RBM33: variants seen among roughly 807,000 people sequenced by gnomAD.
RBM33 encodes the protein RNA binding motif protein 33.
Under a neutral mutation model 132.6 loss-of-function variants are expected in RBM33, and 28 were observed. That is an observed-to-expected ratio of 0.21 (90% confidence interval 0.16 to 0.29). RBM33 has a LOEUF of 0.29. Ranked by LOEUF, RBM33 falls within the 10% of genes least tolerant of loss-of-function variation. RBM33 has a pLI of 1.00. For missense variants in RBM33, 1,291 were observed against 1,518.5 expected (o/e 0.85, Z 2.49); for synonymous variants, 634 against 593.0 (o/e 1.07, Z -1.01).
At chr7:155,736,741 G>T (rs1039761120) in intron 9 of RBM33, among the ~76,000 whole-genome samples, 2 of 152,160 alleles carry the variant, frequency 1.3e-5, no homozygotes, top group African/African-American at 4.8e-5. Context: ...CTTCATAGCT[G>T]CAGCTTACAG....
In RBM33 at chr7:155,661,144, A is replaced by ATTTTTTT. The variant is rs1276158233; in HGVS notation, c.44-4030_44-4029insTTTTTTT. 4.9e-5 allele frequency among the ~76,000 whole-genome samples: 2 copies of ATTTTTTT among 40,700 alleles called. 1 individual carries two copies. The highest frequency in any genetic ancestry group is 1.6e-4 in the African/African-American group (2 of 12,550). 26.7% of individuals were successfully genotyped at this position (40,700 alleles called of 152,430 possible). A position where few individuals can be genotyped will look rare whatever the true frequency, so the allele number is the denominator to read the frequency against. On this transcript the variant is annotated intron_variant, in intron 1 of 17. Transcript: ENST00000401878. Reference sequence around the variant, plus strand: ...TGTGTGTGTGTGTATATATATATATATATTTTTTTTTTTTTGAGACAGAGT... The same window carrying ATTTTTTT: ...TGTGTGTGTGTGTATATATATATATATTTTTTTTATTTTTTTTTTTTTGAGACAGAGT...
At chr7:155,717,671 G>A (rs891475231) in intron 8 of RBM33, among the ~76,000 whole-genome samples, 1 of 152,160 alleles carries the variant, frequency 6.6e-6, no homozygotes, top group South Asian at 2.1e-4. Flanking sequence ...TGAAAATCAA[G>A]ATCAGTATAG....
intron 14 of RBM33, among the ~76,000 whole-genome samples, chr7:155,752,782 C>T (rs1801726089): frequency 6.6e-6 from 1 of 152,176 alleles, no homozygotes; most frequent in African/African-American, 2.4e-5. Context: ...ATGCCTCTGG[C>T]CCACTTATTA....
At chr7:155,763,040 T>C (rs1474585330) in intron 14 of RBM33, among the ~76,000 whole-genome samples, 2 of 152,184 alleles carry the variant, frequency 1.3e-5, no homozygotes, top group Non-Finnish European at 2.9e-5. Context: ...ATGAACAACA[T>C]TGGTGGTGCA....
At chr7:155,728,055 G>T (rs1800843372) in intron 9 of RBM33, among the ~76,000 whole-genome samples, 1 of 152,144 alleles carries the variant, frequency 6.6e-6, no homozygotes, top group Non-Finnish European at 1.5e-5. Context: ...GAGGTGTGAG[G>T]CACTGTCCCC....
At chr7:155,686,077 T>C (rs1413689831) in intron 5 of RBM33, among the ~76,000 whole-genome samples, 3 of 152,182 alleles carry the variant, frequency 2.0e-5, no homozygotes, top group African/African-American at 4.8e-5. Context: ...CTTCTCTCTT[T>C]CTTTCTCGCT....
intron 1 of RBM33, among the ~76,000 whole-genome samples, chr7:155,662,069 T>C (rs1203785285): frequency 6.6e-6 from 1 of 152,136 alleles, no homozygotes; most frequent in Non-Finnish European, 1.5e-5. Flanking sequence ...GTTATTTTAA[T>C]GAAGTGTTCA....
chr7:155,732,501 T>G (rs1585501348), intron 9 of RBM33, among the ~76,000 whole-genome samples: 2 of 152,348 alleles, frequency 1.3e-5, no homozygotes, highest in Admixed American at 1.3e-4. Flanking sequence ...GTGTGCTGAC[T>G]ATGGTTGGGG....
chr7:155,673,770 A>ACGCGCG (rs1213283630), intron 3 of RBM33, among the ~76,000 whole-genome samples: 1 of 121,684 alleles, frequency 8.2e-6, no homozygotes. Context: ...GCATGCGCGC[A>ACGCGCG]CACACACACA....
intron 5 of RBM33, among the ~76,000 whole-genome samples, chr7:155,694,334 A>G (rs915444262): frequency 2.0e-5 from 3 of 152,192 alleles, no homozygotes; most frequent in African/African-American, 7.2e-5. Context: ...TAGTTATGCT[A>G]TTGTCTTCTA....
intron 1 of RBM33, 158 bp downstream of exon 1, chr7:155,645,077 T>C: frequency 1.9e-6 from 1 of 531,880 alleles, no homozygotes; most frequent in East Asian, 3.5e-5. Flanking sequence ...CTTCCCTCGC[T>C]ATTGTCATTC....
rs201737296 is a variant in RBM33, at chr7:155,741,998, C to G, written c.2229C>G (p.Pro743=). 1.9e-6 allele frequency: 3 copies of G among 1,614,042 alleles called. No individual in the cohort carries two copies. The East Asian group carries it at 6.7e-5, about 36-fold the overall frequency. The part of the protein sequence containing the change: ...QVKPIVSASP[P]SRAVAGSRSS... ...AACCTATCGTCAGCGCGTCACCACC[C>G]TCGCGGGCCGTGGCGGGTTCCAGAA... is the stretch of plus-strand genomic sequence containing the variant. The change falls in exon 13 of 18, where the codon CCC becomes CCG. Residue 743 remains proline, a synonymous_variant. Transcript: ENST00000401878.
At chr7:155,714,716 C>T (rs1012236177) in intron 8 of RBM33, among the ~76,000 whole-genome samples, 8 of 152,160 alleles carry the variant, frequency 5.3e-5, no homozygotes, top group Non-Finnish European at 8.8e-5. Flanking sequence ...GTGGTGGATG[C>T]TGCTGATGGG....
In RBM33 at chr7:155,745,334, G is replaced by A; in HGVS notation, c.2711G>A (p.Gly904Glu). Reference sequence around the variant, plus strand: ...TCCAGTGCCAACATGCAGTATCAAGGACAACAGATGAAAGCACTGAAACAT... The same window carrying A: ...TCCAGTGCCAACATGCAGTATCAAGAACAACAGATGAAAGCACTGAAACAT... ...VPSSANMQYQGQQMKALKHLR... is the reference protein window; with the variant it reads ...VPSSANMQYQEQQMKALKHLR... Residue 904 changes from glycine (G) to glutamate (E), a missense_variant, in exon 14 of 18, where the codon GGA becomes GAA. This residue lies in a region of RBM33 where 841 missense variants were observed against 912.0 expected (regional missense o/e 0.92). Transcript: ENST00000401878. The surrounding 1 kb of genome is among the most constrained non-coding windows in gnomAD (Gnocchi z 4.1). The A allele has an allele frequency of 1.4e-5, 22 of 1,613,228 alleles. No individual in the cohort carries two copies. The highest frequency in any genetic ancestry group is 1.9e-5 in the Non-Finnish European group (22 of 1,179,514).
intron 6 of RBM33, among the ~76,000 whole-genome samples, chr7:155,704,365 A>G (rs1034078175): frequency 2.6e-5 from 4 of 152,242 alleles, no homozygotes; most frequent in African/African-American, 7.2e-5. Flanking sequence ...ATACAGAACT[A>G]CATACCTAGG....
At chr7:155,693,085 A>AATTCTC (rs1799691208) in intron 5 of RBM33, among the ~76,000 whole-genome samples, 1 of 152,234 alleles carries the variant, frequency 6.6e-6, no homozygotes, top group African/African-American at 2.4e-5. Flanking sequence ...TTCTCAAAAA[A>AATTCTC]AACAAAAAGT....
intron 14 of RBM33, 81 bp from the exon 15 acceptor site, chr7:155,763,731 T>C (rs1299631728): frequency 7.7e-7 from 1 of 1,304,030 alleles, no homozygotes; most frequent in Non-Finnish European, 1.1e-6. Context: ...GAACACTGGC[T>C]GAGGTGGGCT....
chr7:155,678,001 A>G (rs1056747411), intron 3 of RBM33, among the ~76,000 whole-genome samples: 1 of 152,196 alleles, frequency 6.6e-6, no homozygotes, highest in African/African-American at 2.4e-5. Context: ...TCAAATATAT[A>G]TAACCTAAGA....
In RBM33 at chr7:155,776,917, G is replaced by A. The variant is rs1802630590; in HGVS notation, c.*1876G>A. ...GCTCAGTCCACAGCTGCGTTGGAGT[G>A]GTGACTTTGGTAGCCCTTGAGCTCT... is the stretch of plus-strand genomic sequence containing the variant. On this transcript the variant is annotated 3_prime_UTR_variant, in exon 18 of 18. Transcript: ENST00000401878. The surrounding 1 kb of genome is among the most constrained non-coding windows in gnomAD (Gnocchi z 4.0). 6.6e-6 allele frequency: 1 copy of A among 152,192 alleles called. No individual in the cohort carries two copies. The highest frequency in any genetic ancestry group is 6.5e-5 in the Admixed American group (1 of 15,280). 9.4% of individuals were successfully genotyped at this position (152,192 alleles called of 1,614,324 possible).
Sources: gnomAD v4.1 joint callset for allele counts (sites outside exome capture counted in the v4.1 genomes callset) on GRCh38, gnomAD v4.1.1 for gene constraint, gnomAD v4.1.1 regional missense constraint, Gnocchi (gnomAD v3.1) non-coding constraint, MANE v1.5 for transcripts, NCBI Gene and HGNC (gene_info 2026-07-23, HGNC 2026-07-21) for gene names.